Variants in SESTD1 observed in about 807,000 individuals in gnomAD.
SESTD1 encodes SEC14 and spectrin domain containing 1.
In SESTD1, 43 loss-of-function variants were observed where a neutral mutation model predicts 101.7. The observed-to-expected ratio is 0.42, with a 90% CI of 0.33 to 0.55. The LOEUF (loss-of-function observed/expected upper bound fraction) is 0.55, where lower values mean the gene tolerates loss of function less well. SESTD1 is among the 20% of genes least tolerant of loss of function. The pLI is 0.07. For synonymous variants in SESTD1, 283 were observed against 286.8 expected (o/e 0.99, Z 0.13); for missense variants, 647 against 815.1 (o/e 0.79, Z 2.51).
In SESTD1 at chr2:179,159,533, T is replaced by G. The variant is rs142611530; in HGVS notation, c.370-8142A>C. ...CTGAAAAAGGAAAACTGTGTAGAGA[T>G]TTCTAGATGTTTGAAAAGCAAAAAC... is the stretch of plus-strand genomic sequence containing the variant. On this transcript the variant is annotated intron_variant, in intron 5 of 17. Transcript: ENST00000428443. Among the ~76,000 whole-genome samples, 263 of 152,286 alleles carry G rather than the reference T, an allele frequency of 1.7e-3. 5 individuals are homozygous for G. Among genetic ancestry groups the G allele is most frequent in the African/African-American group, 6.0e-3 (250 of 41,568 alleles).
chr2:179,214,789 T>C (rs1260036016), intron 1 of SESTD1, among the ~76,000 whole-genome samples: 1 of 135,170 alleles, frequency 7.4e-6, no homozygotes, highest in Admixed American at 7.2e-5. Flanking sequence ...ACAAACTGTC[T>C]CTCAGACCAC....
At position 179,133,707 on chromosome 2, in the gene SESTD1, G is replaced by C. The variant is rs78149567; in HGVS notation, c.850-1281C>G. Among the ~76,000 whole-genome samples the C allele has an allele frequency of 2.0e-5, 3 of 152,266 alleles. No individual in the cohort carries two copies. The East Asian group carries it at 5.8e-4, about 29-fold the overall frequency. On this transcript the variant is annotated intron_variant, in intron 9 of 17. Coordinates refer to ENST00000428443, the MANE Select transcript of SESTD1 (RefSeq NM_178123.5). ...CAGTGGGTAGGCTTAACGTAGAAAAGAGCAGTGCAGATATACATTTCTGCT... is the reference window on the plus strand; with the variant it reads ...CAGTGGGTAGGCTTAACGTAGAAAACAGCAGTGCAGATATACATTTCTGCT...
Position 179,264,813 on chromosome 2 carries a change from C to G in SESTD1, c.-340G>C, listed in dbSNP as rs1177627649. The G allele has an allele frequency of 1.3e-5, 2 of 150,932 alleles. No individual in the cohort carries two copies. The highest frequency in any genetic ancestry group is 2.0e-4 in the East Asian group (1 of 5,000). The allele number at this position is 150,932 out of a possible 1,614,324, so 9.3% of individuals were successfully genotyped here. On this transcript the variant is annotated 5_prime_UTR_variant, in exon 1 of 18. Coordinates refer to ENST00000428443, the MANE Select transcript of SESTD1 (RefSeq NM_178123.5). Reference sequence around the variant, plus strand: ...GGGTGACGGCGGTACAGCAACCCGCCCGGCGCGGGAAGGAGGAAGGAGGCG... The same window carrying G: ...GGGTGACGGCGGTACAGCAACCCGCGCGGCGCGGGAAGGAGGAAGGAGGCG...
At chr2:179,192,892 C>T (rs922605534) in intron 1 of SESTD1, among the ~76,000 whole-genome samples, 1 of 152,210 alleles carries the variant, frequency 6.6e-6, no homozygotes, top group Non-Finnish European at 1.5e-5. Flanking sequence ...CCCACCATCA[C>T]AACACAGAGC....
intron 1 of SESTD1, among the ~76,000 whole-genome samples, chr2:179,241,738 CG>C (rs2047156824): frequency 6.6e-6 from 1 of 151,846 alleles, no homozygotes; most frequent in African/African-American, 2.4e-5. Flanking sequence ...CTGGCTAACA[CG>C]GTGAAACCCT....
chr2:179,137,403 C>T (rs2045170448), intron 9 of SESTD1, among the ~76,000 whole-genome samples: 1 of 152,158 alleles, frequency 6.6e-6, no homozygotes. Context: ...GTATGGAGAA[C>T]TGAGAATACA....
chr2:179,154,401 A>G (rs1052616581), intron 5 of SESTD1, among the ~76,000 whole-genome samples: 1 of 152,176 alleles, frequency 6.6e-6, no homozygotes. Context: ...TAGACAAATA[A>G]TAAGTTTCTC....
At chr2:179,247,004 C>T (rs1033458288) in intron 1 of SESTD1, among the ~76,000 whole-genome samples, 5 of 151,990 alleles carry the variant, frequency 3.3e-5, no homozygotes, top group African/African-American at 1.2e-4. Flanking sequence ...CTGCTTTGTC[C>T]ATGTTGAGGA....
intron 2 of SESTD1, among the ~76,000 whole-genome samples, chr2:179,188,405 A>G (rs1485393199): frequency 5.3e-5 from 8 of 152,244 alleles, no homozygotes; most frequent in Non-Finnish European, 1.0e-4. Flanking sequence ...CAACGTATCA[A>G]AGTGAGCGAG....
chr2:179,232,382 CAAAAT>C (rs1318654532), intron 1 of SESTD1, among the ~76,000 whole-genome samples: 2 of 151,444 alleles, frequency 1.3e-5, no homozygotes, highest in African/African-American at 4.9e-5. Flanking sequence ...ATAATAAAGA[CAAAAT>C]AAATCAGCTG....
intron 1 of SESTD1, among the ~76,000 whole-genome samples, chr2:179,193,485 G>A (rs370932797): frequency 2.0e-5 from 3 of 152,134 alleles, no homozygotes; most frequent in Admixed American, 6.5e-5. Context: ...AACCCAGACA[G>A]CTTGGATTCA....
chr2:179,225,580 C>G (rs1223272484), intron 1 of SESTD1, among the ~76,000 whole-genome samples: 3 of 152,094 alleles, frequency 2.0e-5, no homozygotes, highest in Non-Finnish European at 4.4e-5. Flanking sequence ...AAATTTACTT[C>G]TCACAATTCT....
At position 179,109,299 on chromosome 2, in the gene SESTD1, T is replaced by A. The variant is rs1396113569; in HGVS notation, c.*600A>T. On this transcript the variant is annotated 3_prime_UTR_variant, in exon 18 of 18. Coordinates refer to ENST00000428443, the MANE Select transcript of SESTD1 (RefSeq NM_178123.5). ...TGGAAATAGGATGTAACTACTAAATTAAATAAGATGTTTAAAGAAGTCTTT... is the reference window on the plus strand; with the variant it reads ...TGGAAATAGGATGTAACTACTAAATAAAATAAGATGTTTAAAGAAGTCTTT... 6.4e-6 allele frequency: 1 copy of A among 156,386 alleles called. No homozygotes were observed. Among genetic ancestry groups the A allele is most frequent in the African/African-American group, 2.4e-5 (1 of 41,632 alleles). 9.7% of individuals were successfully genotyped at this position (156,386 alleles called of 1,614,324 possible).
intron 5 of SESTD1, among the ~76,000 whole-genome samples, chr2:179,169,384 CAAG>C (rs1281410504): frequency 6.6e-6 from 1 of 151,814 alleles, no homozygotes; most frequent in Non-Finnish European, 1.5e-5. Context: ...CCCTACTCAC[CAAG>C]AAGACATAGC....
chr2:179,234,995 A>G (rs1452189699), intron 1 of SESTD1, among the ~76,000 whole-genome samples: 1 of 151,944 alleles, frequency 6.6e-6, no homozygotes, highest in Non-Finnish European at 1.5e-5. Flanking sequence ...AAGACTGAGG[A>G]AGTGTTCTGT....
intron 2 of SESTD1, among the ~76,000 whole-genome samples, chr2:179,185,896 T>C (rs1173480466): frequency 7.3e-6 from 1 of 137,038 alleles, no homozygotes; most frequent in African/African-American, 2.7e-5. Context: ...ATATACAATA[T>C]AGTATATTAT....
intron 1 of SESTD1, among the ~76,000 whole-genome samples, chr2:179,199,240 C>G (rs1368479110): frequency 1.3e-5 from 2 of 151,846 alleles, no homozygotes; most frequent in African/African-American, 4.8e-5. Flanking sequence ...ATACACTCTC[C>G]CAAGACTAAA....
intron 1 of SESTD1, among the ~76,000 whole-genome samples, chr2:179,195,824 G>C (rs1263421355): frequency 6.6e-6 from 1 of 150,504 alleles, no homozygotes; most frequent in African/African-American, 2.5e-5. Flanking sequence ...AAGGTAAAAA[G>C]GCATTTTGGG....
intron 1 of SESTD1, among the ~76,000 whole-genome samples, chr2:179,219,234 A>C (rs559306094): frequency 6.6e-6 from 1 of 152,336 alleles, no homozygotes; most frequent in East Asian, 1.9e-4. Context: ...CAGGCCTTTT[A>C]ATCAAGACTG....
Sources: allele counts gnomAD v4.1 joint callset (sites outside exome capture counted in the v4.1 genomes callset), GRCh38; gene constraint gnomAD v4.1.1; transcripts MANE v1.5; gene names NCBI Gene and HGNC (gene_info 2026-07-23, HGNC 2026-07-21).